The following CACNA1H variants were observed in gnomAD, a reference collection of about 807,000 sequenced individuals.
CACNA1H encodes voltage-dependent T-type calcium channel subunit alpha-1H.
In CACNA1H, 149 loss-of-function variants were observed where a neutral mutation model predicts 192.5. The observed-to-expected ratio is 0.77, with a 90% CI of 0.68 to 0.89. CACNA1H has a LOEUF of 0.89. Ranked by LOEUF, CACNA1H falls within the 40% of genes least tolerant of loss-of-function variation. The pLI, the probability that CACNA1H is intolerant of heterozygous loss-of-function variation, is 0.00. For missense variants in CACNA1H, 4,257 were observed against 3,423.5 expected, an observed-to-expected ratio of 1.24 and a Z score of -6.08; for synonymous variants, 2,202 against 1,475.2, an observed-to-expected ratio of 1.49 and a Z score of -11.29.
intron 2 of CACNA1H, among the ~76,000 whole-genome samples, chr16:1,164,089 G>A (rs1963504603): frequency 6.6e-6 from 1 of 152,182 alleles, no homozygotes; most frequent in South Asian, 2.1e-4. Context: ...GCACAGGTGT[G>A]GGGGCACTTT....
In CACNA1H at chr16:1,204,134, C is replaced by T. The variant is rs1567519531; in HGVS notation, c.2127C>T (p.Asp709=). 3.1e-6 allele frequency: 5 copies of T among 1,612,404 alleles called. No homozygotes were observed. Among genetic ancestry groups the T allele is most frequent in the African/African-American group, 2.7e-5 (2 of 75,060 alleles). ...CGTACTGCACCCGTGCCCTGGAGGA[C>T]CCGGAGGGTGAGCTCAGCGGCTCGG... ...SCPYCTRALE[D]PEGELSGSES... The change falls in exon 10 of 35, where the codon GAC becomes GAT. Residue 709 remains aspartate (D), a synonymous_variant. Coordinates refer to ENST00000348261, the MANE Select transcript of CACNA1H (RefSeq NM_021098.3).
chr16:1,155,527 G>T (rs2151616218), intron 2 of CACNA1H, among the ~76,000 whole-genome samples: 1 of 152,288 alleles, frequency 6.6e-6, no homozygotes. Context: ...GGAATGGGAG[G>T]CTGGCCCCGA....
intron 26 of CACNA1H, among the ~76,000 whole-genome samples, chr16:1,212,912 A>AT (rs1212272394): frequency 6.6e-6 from 1 of 152,172 alleles, no homozygotes; most frequent in African/African-American, 2.4e-5. Flanking sequence ...GCCGCAGAGC[A>AT]TGAGGGTCGG....
intron 2 of CACNA1H, among the ~76,000 whole-genome samples, chr16:1,177,810 G>A (rs887327794): frequency 6.6e-6 from 1 of 151,876 alleles, no homozygotes; most frequent in Admixed American, 6.6e-5. Context: ...TTGTTACAAG[G>A]GCATTAACCC....
intron 2 of CACNA1H, among the ~76,000 whole-genome samples, chr16:1,163,980 C>T (rs188308782): frequency 2.6e-4 from 40 of 152,336 alleles, no homozygotes; most frequent in Non-Finnish European, 5.1e-4. Context: ...GTGTCTGGCT[C>T]AGCCGCCCCT....
intron 2 of CACNA1H, among the ~76,000 whole-genome samples, chr16:1,168,513 C>T (rs923409552): frequency 6.6e-6 from 1 of 151,960 alleles, no homozygotes; most frequent in Non-Finnish European, 1.5e-5. Flanking sequence ...CCAGGTCACC[C>T]CAGAGCTGGG....
chr16:1,220,084 A>G lies in CACNA1H; in HGVS notation c.6152A>G (p.Gln2051Arg). 1.4e-6 allele frequency: 2 copies of G among 1,459,454 alleles called. No homozygotes were observed. The highest frequency in any genetic ancestry group is 1.6e-5 in the South Asian group (1 of 64,434). The allele number at this position is 1,459,454 out of a possible 1,614,324, so 90.4% of individuals were successfully genotyped here. A position where few individuals can be genotyped will look rare whatever the true frequency, so the allele number is the denominator to read the frequency against. ...GEKTPVRPVT[Q>R]GGSLQSPPRS... ...AAAACCCCGGTGAGGCCGGTGACCCAGGGGGGCTCCCTGCAGTCCCCACCA... is the reference window on the plus strand; with the variant it reads ...AAAACCCCGGTGAGGCCGGTGACCCGGGGGGGCTCCCTGCAGTCCCCACCA... The change falls in exon 35 of 35, where the codon CAG (glutamine) becomes CGG (arginine). Residue 2051 changes from glutamine to arginine, a missense_variant. By Grantham distance (43) the Gln-to-Arg change is conservative. Transcript: ENST00000348261.
rs72552057 is a variant in CACNA1H, at chr16:1,219,148, C to A, written c.6048+18C>A. On this transcript the variant is annotated intron_variant, in intron 34 of 34. Transcript: ENST00000348261. ...GCAGACAGGTAGGAGAAGCCGTTGG[C>A]CTGCAGCAGAGGCTGGCGGGGATGG... 180 of 1,512,486 alleles carry A rather than the reference C, an allele frequency of 1.2e-4. 2 individuals are homozygous for A. The African/African-American group carries it at 2.4e-3, about 20-fold the overall frequency. The allele number at this position is 1,512,486 out of a possible 1,614,324, so 93.7% of individuals were successfully genotyped here. A position where few individuals can be genotyped will look rare whatever the true frequency, so the allele number is the denominator to read the frequency against.
intron 2 of CACNA1H, among the ~76,000 whole-genome samples, chr16:1,156,157 T>A (rs1056910064): frequency 6.6e-6 from 1 of 152,096 alleles, no homozygotes; most frequent in East Asian, 1.9e-4. Context: ...CCCACCCTCC[T>A]CGCCGCCAGC....
chr16:1,212,299 G>A (rs1011068420), intron 25 of CACNA1H, 161 bp downstream of exon 25: 26 of 1,225,462 alleles, frequency 2.1e-5, no homozygotes, highest in Admixed American at 1.4e-4. Context: ...GGGCTGGCCC[G>A]AGAGGGCCGT....
rs771719773 is a variant in CACNA1H, at chr16:1,220,176, C to A, written c.6244C>A (p.Arg2082=). The change falls in exon 35 of 35, where the codon CGG becomes AGG. Residue 2082 remains arginine, a synonymous_variant. Coordinates refer to ENST00000348261, the MANE Select transcript of CACNA1H (RefSeq NM_021098.3). ...CTTCGGACAGCGCTGCGTCTCCAGC[C>A]GGCCGGCGGCCCCAGGCGGAGAGGA... ...HTFGQRCVSS[R]PAAPGGEEAE... 3 of 1,520,192 alleles carry A rather than the reference C, an allele frequency of 2.0e-6. No individual in the cohort carries two copies. The Admixed American group carries it at 6.4e-5, about 32-fold the overall frequency. 94.2% of individuals were successfully genotyped at this position (1,520,192 alleles called of 1,614,324 possible).
At position 1,172,153 on chromosome 16, in the gene CACNA1H, C is replaced by T. The variant is rs145802477; in HGVS notation, c.299+18117C>T. ...CGGGCCGCAGGGCGTGGGCCGCACA[C>T]GGTGGGTGTCAGGGGCGAGAGTGGC... On this transcript the variant is annotated intron_variant, in intron 2 of 34. Transcript: ENST00000348261. 3.3e-3 allele frequency among the ~76,000 whole-genome samples: 509 copies of T among 152,288 alleles called. 2 individuals are homozygous for T. Among genetic ancestry groups the T allele is most frequent in the African/African-American group, 0.011 (467 of 41,556 alleles).
intron 2 of CACNA1H, among the ~76,000 whole-genome samples, chr16:1,181,935 T>C (rs879878745): frequency 9.0e-4 from 137 of 152,170 alleles, no homozygotes; most frequent in African/African-American, 3.1e-3. Context: ...ATGTCCCCTT[T>C]GCACACACGC....
Position 1,213,999 on chromosome 16 carries a change from G to T in CACNA1H, c.4929+68G>T, listed in dbSNP as rs1278255858. The T allele has an allele frequency of 3.6e-6, 5 of 1,390,488 alleles. No individual in the cohort carries two copies. The Admixed American group carries it at 7.7e-5, about 21-fold the overall frequency. The allele number at this position is 1,390,488 out of a possible 1,614,324, so 86.1% of individuals were successfully genotyped here. A position where few individuals can be genotyped will look rare whatever the true frequency, so the allele number is the denominator to read the frequency against. On this transcript the variant is annotated intron_variant, in intron 27 of 34. Coordinates refer to ENST00000348261, the MANE Select transcript of CACNA1H (RefSeq NM_021098.3). The stretch of plus-strand genomic sequence containing the variant: ...CCCCAGTGGGGCAGCCAACACAGTG[G>T]GCACAACCCTGGACCGGCGCTCCGC...
intron 2 of CACNA1H, among the ~76,000 whole-genome samples, chr16:1,168,019 C>T (rs1963971637): frequency 1.3e-5 from 2 of 152,182 alleles, no homozygotes; most frequent in South Asian, 4.1e-4. Flanking sequence ...CTGCCCTAGG[C>T]CTTCGAGTTG....
At chr16:1,201,444 G>A (rs1274646257) in intron 8 of CACNA1H, among the ~76,000 whole-genome samples, 1 of 152,188 alleles carries the variant, frequency 6.6e-6, no homozygotes, top group Admixed American at 6.5e-5. Flanking sequence ...AGGGTTCCAG[G>A]TCTTTTGTCC....
chr16:1,159,886 A>T (rs1372168937), intron 2 of CACNA1H: 2 of 152,256 alleles, frequency 1.3e-5, no homozygotes, highest in Non-Finnish European at 2.9e-5. Flanking sequence ...GGCCTGGTGG[A>T]ACGCTCAGGG....
At chr16:1,173,428 C>T (rs1446045404) in intron 2 of CACNA1H, among the ~76,000 whole-genome samples, 6 of 152,244 alleles carry the variant, frequency 3.9e-5, no homozygotes, top group Non-Finnish European at 8.8e-5. Flanking sequence ...TGCGGACGGA[C>T]GAAGCCCAAA....
rs1207088507 is a variant in CACNA1H, at chr16:1,205,135, C to CT, written c.2474dup (p.Glu826GlyfsTer128). The CT allele has an allele frequency of 1.2e-6, 2 of 1,612,414 alleles. No homozygotes were observed. Among genetic ancestry groups the CT allele is most frequent in the African/African-American group, 2.7e-5 (2 of 74,918 alleles). On this transcript the variant is annotated frameshift_variant, in exon 11 of 35. Coordinates refer to ENST00000348261, the MANE Select transcript of CACNA1H (RefSeq NM_021098.3). LOFTEE classifies it high-confidence loss of function. ...GCAGCCCGAGGAGCTGACTAATGCT[C>CT]TGGAGATCAGCAACATCGTGTTCAC...
Sources: gnomAD v4.1 joint callset for allele counts (sites outside exome capture counted in the v4.1 genomes callset) on GRCh38, gnomAD v4.1.1 for gene constraint, MANE v1.5 for transcripts, NCBI Gene and HGNC (gene_info 2026-07-23, HGNC 2026-07-21) for gene names.